The following CDKN2B-AS1 variants were observed in gnomAD, a reference collection of about 807,000 sequenced individuals.
CDKN2B-AS1 encodes CDKN2B and CDKN2A antisense cis and trans regulatory RNA 1.
At chr9:22,076,013 A>C (rs1214347271) in intron 4 of CDKN2B-AS1, among the ~76,000 whole-genome samples, 1 of 152,126 alleles carries the variant, frequency 6.6e-6, no homozygotes, top group Non-Finnish European at 1.5e-5. Context: ...TATGATTGAT[A>C]GGAAAGTCAA....
chr9:22,008,699 C>G (rs754444716), intron 1 of CDKN2B-AS1: 1 of 1,611,252 alleles, frequency 6.2e-7, no homozygotes, highest in East Asian at 2.2e-5. Context: ...GACTCCTGTA[C>G]AAATCTACAT....
chr9:22,095,055 G>T lies in CDKN2B-AS1; in HGVS notation n.439-32048G>T, dbSNP rs960245962. 1.4e-5 allele frequency among the ~76,000 whole-genome samples: 2 copies of T among 145,086 alleles called. 1 individual carries two copies. Among genetic ancestry groups the T allele is most frequent in the African/African-American group, 5.7e-5 (2 of 35,030 alleles). ...AGTCAGGACCCTCAGCTGCAGGTCT[G>T]TTGGAGTTTGCTGGAGGTCCACTCC... On this transcript the variant is annotated intron_variant and non_coding_transcript_variant, in intron 4 of 4. Transcript: ENST00000650946.
At chr9:22,024,639 G>A (rs923832610) in intron 1 of CDKN2B-AS1, among the ~76,000 whole-genome samples, 2 of 152,204 alleles carry the variant, frequency 1.3e-5, no homozygotes, top group Non-Finnish European at 2.9e-5. Flanking sequence ...TGCTGCTAAG[G>A]TTCTGTCTGC....
At chr9:22,102,871 C>T (rs1028799377) in intron 4 of CDKN2B-AS1, among the ~76,000 whole-genome samples, 3 of 152,126 alleles carry the variant, frequency 2.0e-5, no homozygotes, top group Non-Finnish European at 1.5e-5. Flanking sequence ...GCTTTATCAG[C>T]ATTAGAAAGC....
rs1755698265 is a variant in CDKN2B-AS1 at position 22,006,145 on chromosome 9, C to A, written n.29+10984C>A. ...GTGTCCAGGAAGCCCTCCCGGGCAG[C>A]ATCATGCACCGGTCGGGTGAGAGTG... On this transcript the variant is annotated intron_variant and non_coding_transcript_variant, in intron 1 of 4. Coordinates refer to ENST00000650946, the Ensembl canonical transcript of CDKN2B-AS1. This position sits in a 1 kb window ranked among gnomAD's most constrained non-coding sequence, Gnocchi z 6.4. 6.2e-7 allele frequency: 1 copy of A among 1,611,602 alleles called. No homozygotes were observed. Among genetic ancestry groups the A allele is most frequent in the East Asian group, 2.2e-5 (1 of 44,870 alleles).
chr9:22,117,942 C>T (rs1825996450), intron 4 of CDKN2B-AS1: 2 of 152,386 alleles, frequency 1.3e-5, no homozygotes, highest in South Asian at 4.1e-4. Context: ...TCCTGCCAAT[C>T]TAATGAGATT....
intron 1 of CDKN2B-AS1, among the ~76,000 whole-genome samples, chr9:22,027,742 C>T (rs1057215373): frequency 7.9e-5 from 12 of 152,130 alleles, no homozygotes; most frequent in African/African-American, 2.9e-4. Flanking sequence ...GATTCCTGTT[C>T]ATGGCTCTTA....
At chr9:22,122,462 A>T (rs946958603) in intron 4 of CDKN2B-AS1, among the ~76,000 whole-genome samples, 2 of 152,038 alleles carry the variant, frequency 1.3e-5, no homozygotes, top group African/African-American at 4.8e-5. Flanking sequence ...TATTCAGAAA[A>T]TTTTTGCCCA....
rs528991126 is a variant in CDKN2B-AS1 at position 21,996,326 on chromosome 9, A to G, written n.29+1165A>G. On this transcript the variant is annotated intron_variant and non_coding_transcript_variant, in intron 1 of 4. Transcript: ENST00000650946. This position sits in a 1 kb window ranked among gnomAD's most constrained non-coding sequence, Gnocchi z 5.4. ...TATCTATCTAGATATTTACAAATGC[A>G]CCTCCCCGGTAGGTAGATTTCACTC... Among the ~76,000 whole-genome samples the G allele has an allele frequency of 7.3e-5, 11 of 151,292 alleles. No homozygotes were observed. Among genetic ancestry groups the G allele is most frequent in the Non-Finnish European group, 1.5e-4 (10 of 67,848 alleles).
At position 22,006,141 on chromosome 9, in the gene CDKN2B-AS1, G is replaced by A. The variant is rs1349763410; in HGVS notation, n.29+10980G>A. 8.1e-6 allele frequency: 13 copies of A among 1,611,406 alleles called. No homozygotes were observed. On this transcript the variant is annotated intron_variant and non_coding_transcript_variant, in intron 1 of 4. Coordinates refer to ENST00000650946, the Ensembl canonical transcript of CDKN2B-AS1. This position sits in a 1 kb window ranked among gnomAD's most constrained non-coding sequence, Gnocchi z 6.4. The stretch of plus-strand genomic sequence containing the variant: ...CAGCGTGTCCAGGAAGCCCTCCCGG[G>A]CAGCATCATGCACCGGTCGGGTGAG...
intron 1 of CDKN2B-AS1, chr9:22,003,730 T>G (rs1821033739): frequency 4.3e-6 from 1 of 231,936 alleles, no homozygotes; most frequent in South Asian, 1.8e-4. Context: ...TTCCAAAAAT[T>G]TGGGTTTTTA....
intron 4 of CDKN2B-AS1, among the ~76,000 whole-genome samples, chr9:22,126,571 A>ATTTTTTTTTTTTTT (rs1818026896): frequency 9.9e-6 from 1 of 100,602 alleles, no homozygotes; most frequent in African/African-American, 4.4e-5. Flanking sequence ...GAGTAAGTGG[A>ATTTTTTTTTTTTTT]TTCTTTTTTT....
At chr9:22,045,276 C>A (rs1259555506) in intron 1 of CDKN2B-AS1, among the ~76,000 whole-genome samples, 1 of 151,838 alleles carries the variant, frequency 6.6e-6, no homozygotes, top group African/African-American at 2.4e-5. Flanking sequence ...TAAGACTAAT[C>A]AAAATATCTA....
intron 1 of CDKN2B-AS1, chr9:22,008,552 G>T (rs1821307540): frequency 3.1e-6 from 3 of 983,064 alleles, no homozygotes; most frequent in Non-Finnish European, 4.4e-6. Context: ...TCTATTCCTT[G>T]CATCTCTGAT....
intron 4 of CDKN2B-AS1, among the ~76,000 whole-genome samples, chr9:22,116,342 A>G (rs1825949423): frequency 1.3e-5 from 2 of 152,254 alleles, no homozygotes; most frequent in African/African-American, 4.8e-5. Flanking sequence ...CTTATGTGCC[A>G]CAACTGTTCT....
chr9:22,033,886 G>GA (rs1430313907), intron 1 of CDKN2B-AS1, among the ~76,000 whole-genome samples: 1 of 152,154 alleles, frequency 6.6e-6, no homozygotes, highest in African/African-American at 2.4e-5. Flanking sequence ...TATACTCAAT[G>GA]AAAAACCAAC....
At chr9:22,015,631 A>G (rs1172877327) in intron 1 of CDKN2B-AS1, among the ~76,000 whole-genome samples, 2 of 151,742 alleles carry the variant, frequency 1.3e-5, no homozygotes, top group Admixed American at 6.6e-5. Context: ...TTATTTATTT[A>G]TTTATTTTTC....
At chr9:22,050,679 A>G (rs1179871625) in intron 3 of CDKN2B-AS1, among the ~76,000 whole-genome samples, 1 of 152,144 alleles carries the variant, frequency 6.6e-6, no homozygotes, top group Non-Finnish European at 1.5e-5. Context: ...GTCTGTACTA[A>G]GACAATTGGA....
At chr9:22,009,326 A>C in intron 1 of CDKN2B-AS1, 1 of 408,662 alleles carries the variant, frequency 2.4e-6, no homozygotes, top group Non-Finnish European at 4.4e-6. Context: ...CCGGCAAAGA[A>C]TTCCGTTTTC....
Sources: allele counts gnomAD v4.1 joint callset (sites outside exome capture counted in the v4.1 genomes callset), GRCh38; gene constraint gnomAD v4.1.1; non-coding constraint Gnocchi (gnomAD v3.1); transcripts MANE v1.5; gene names NCBI Gene and HGNC (gene_info 2026-07-23, HGNC 2026-07-21).